TMPRSS11D: variants seen among roughly 807,000 people sequenced by gnomAD.
TMPRSS11D encodes the protein transmembrane protease serine 11D.
In TMPRSS11D, 32 loss-of-function variants were observed where a neutral mutation model predicts 44.4. The ratio of observed to expected loss-of-function variants is 0.72; its 90% CI spans 0.54 to 0.97. The LOEUF is 0.97. Ranked by LOEUF, TMPRSS11D falls within the 50% of genes least tolerant of loss-of-function variation. TMPRSS11D has a pLI of 0.00. For missense variants in TMPRSS11D, 446 were observed against 502.6 expected (o/e 0.89, Z 1.08); for synonymous variants, 179 against 177.9 (o/e 1.01, Z -0.05).
At chr4:67,879,475 A>AAG (rs1436269503) in intron 1 of TMPRSS11D, among the ~76,000 whole-genome samples, 1 of 150,858 alleles carries the variant, frequency 6.6e-6, no homozygotes, top group African/African-American at 2.4e-5. Context: ...CCTTCTCAAA[A>AAG]AAAAAAAAAA....
chr4:67,826,967 G>A (rs566339551), intron 8 of TMPRSS11D, among the ~76,000 whole-genome samples: 2 of 152,116 alleles, frequency 1.3e-5, no homozygotes, highest in African/African-American at 4.8e-5. Flanking sequence ...ATTGTTTATA[G>A]GGAAGCTATT....
intron 7 of TMPRSS11D, among the ~76,000 whole-genome samples, chr4:67,829,622 T>C (rs1717896100): frequency 6.6e-6 from 1 of 151,958 alleles, no homozygotes; most frequent in South Asian, 2.1e-4. Flanking sequence ...TTGGTAATGT[T>C]TAATGTCTAA....
intron 4 of TMPRSS11D, among the ~76,000 whole-genome samples, chr4:67,839,874 A>G (rs1718188324): frequency 1.3e-5 from 2 of 151,614 alleles, no homozygotes; most frequent in Admixed American, 6.6e-5. Flanking sequence ...GTATATGTGC[A>G]CAACGTGCAG....
intron 6 of TMPRSS11D, 36 bp from the exon 7 acceptor site, chr4:67,833,417 A>C: frequency 9.3e-6 from 13 of 1,390,804 alleles, no homozygotes; most frequent in Non-Finnish European, 1.1e-5. Context: ...TGGGAAGATC[A>C]TGATTCCTTT....
intron 7 of TMPRSS11D, among the ~76,000 whole-genome samples, chr4:67,831,229 T>C (rs1717936678): frequency 6.6e-6 from 1 of 152,106 alleles, no homozygotes; most frequent in Non-Finnish European, 1.5e-5. Context: ...CAGGGAAAGC[T>C]ACATAGAAGA....
At chr4:67,864,209 C>T (rs552664389) in intron 1 of TMPRSS11D, among the ~76,000 whole-genome samples, 1 of 152,062 alleles carries the variant, frequency 6.6e-6, no homozygotes, top group African/African-American at 2.4e-5. Context: ...CACTTTTTCT[C>T]CACACTTTTT....
At chr4:67,827,592 G>C in intron 7 of TMPRSS11D, 72 bp from the exon 8 acceptor site, 1 of 1,465,026 alleles carries the variant, frequency 6.8e-7, no homozygotes, top group Admixed American at 2.3e-5. Context: ...ATTCATCTTA[G>C]CCATCCTGTA....
In TMPRSS11D at chr4:67,822,208, A is replaced by G; in HGVS notation, c.*129T>C. The stretch of plus-strand genomic sequence containing the variant: ...AGAAAGGTTAAACAGTGTTTGTTAA[A>G]CCATATTTATGTAACAAGATGTTAA... On this transcript the variant is annotated 3_prime_UTR_variant, in exon 10 of 10. Coordinates refer to ENST00000283916, the MANE Select transcript of TMPRSS11D (RefSeq NM_004262.3). The G allele has an allele frequency of 9.3e-7, 1 of 1,073,198 alleles. No homozygotes were observed. The highest frequency in any genetic ancestry group is 2.2e-5 in the Admixed American group (1 of 44,580). 66.5% of individuals were successfully genotyped at this position (1,073,198 alleles called of 1,614,324 possible). A position where few individuals can be genotyped will look rare whatever the true frequency, so the allele number is the denominator to read the frequency against.
chr4:67,862,254 T>G (rs1718808298), intron 1 of TMPRSS11D, among the ~76,000 whole-genome samples: 1 of 152,148 alleles, frequency 6.6e-6, no homozygotes, highest in Admixed American at 6.6e-5. Context: ...GCTTTGTAAA[T>G]TCTGTATTAC....
chr4:67,834,312 A>T (rs1284870997), intron 6 of TMPRSS11D, among the ~76,000 whole-genome samples: 1 of 152,154 alleles, frequency 6.6e-6, no homozygotes, highest in Non-Finnish European at 1.5e-5. Flanking sequence ...GGCTTCCATT[A>T]AGAGATACAT....
chr4:67,838,127 G>C, intron 5 of TMPRSS11D, 45 bp downstream of exon 5: 1 of 1,409,982 alleles, frequency 7.1e-7, no homozygotes, highest in South Asian at 1.6e-5. Flanking sequence ...TGGTAAACTT[G>C]AGGGATATAT....
chr4:67,843,972 T>C (rs17088693), intron 3 of TMPRSS11D, among the ~76,000 whole-genome samples: 5,288 of 152,230 alleles, frequency 0.035, 103 homozygotes, highest in Middle Eastern at 0.058. Flanking sequence ...ATCATAACTA[T>C]CTCCTTGAAT....
intron 8 of TMPRSS11D, 131 bp from the exon 9 acceptor site, chr4:67,826,005 T>C (rs1432327977): frequency 8.7e-7 from 1 of 1,151,396 alleles, no homozygotes; most frequent in Non-Finnish European, 1.2e-6. Context: ...TTCTAAAGAT[T>C]TACTTTGGAG....
At chr4:67,876,658 A>G (rs1372367127) in intron 1 of TMPRSS11D, among the ~76,000 whole-genome samples, 3 of 152,226 alleles carry the variant, frequency 2.0e-5, no homozygotes, top group South Asian at 4.1e-4. Context: ...CAGAGGGGCC[A>G]GCATTTAGAC....
At chr4:67,835,224 T>G in intron 5 of TMPRSS11D, 103 bp from the exon 6 acceptor site, 1 of 1,122,816 alleles carries the variant, frequency 8.9e-7, no homozygotes, top group East Asian at 2.5e-5. Flanking sequence ...GCAGAATTAC[T>G]TGTTGGGGTT....
In TMPRSS11D at chr4:67,844,309, A is replaced by G. The variant is rs189522103; in HGVS notation, c.250-1684T>C. ...TCTTACTTTTTCAATATTCACTCCT[A>G]TAGGATGATTGATGTCAGACCAACA... On this transcript the variant is annotated intron_variant, in intron 3 of 9. Coordinates refer to ENST00000283916, the MANE Select transcript of TMPRSS11D (RefSeq NM_004262.3). 2.1e-3 allele frequency among the ~76,000 whole-genome samples: 323 copies of G among 152,296 alleles called. 1 individual carries two copies. Among genetic ancestry groups the G allele is most frequent in the African/African-American group, 7.5e-3 (312 of 41,564 alleles).
intron 1 of TMPRSS11D, among the ~76,000 whole-genome samples, chr4:67,871,029 A>G (rs898040951): frequency 6.6e-6 from 1 of 152,062 alleles, no homozygotes; most frequent in Admixed American, 6.6e-5. Context: ...ATTTTAAAAG[A>G]TGGTTGAACT....
At chr4:67,827,577 T>C in intron 7 of TMPRSS11D, 57 bp from the exon 8 acceptor site, 3 of 1,508,640 alleles carry the variant, frequency 2.0e-6, no homozygotes, top group Non-Finnish European at 1.8e-6. Flanking sequence ...ATTTCAGATA[T>C]ATAAATTCAT....
intron 3 of TMPRSS11D, among the ~76,000 whole-genome samples, chr4:67,845,629 A>C (rs966640572): frequency 3.3e-5 from 5 of 152,170 alleles, no homozygotes; most frequent in African/African-American, 1.2e-4. Context: ...ACTTTAATAC[A>C]CATTTTATTT....
Sources: gnomAD v4.1 joint callset for allele counts (sites outside exome capture counted in the v4.1 genomes callset) on GRCh38, gnomAD v4.1.1 for gene constraint, MANE v1.5 for transcripts, NCBI Gene and HGNC (gene_info 2026-07-23, HGNC 2026-07-21) for gene names.